SLC26A7: variants seen among roughly 807,000 people sequenced by gnomAD.
SLC26A7 encodes the protein solute carrier family 26 member 7, also known as anion exchange transporter.
Under a neutral mutation model 82.5 loss-of-function variants are expected in SLC26A7, and 59 were observed. The observed-to-expected ratio is 0.72, with a 90% CI of 0.58 to 0.89. The LOEUF (loss-of-function observed/expected upper bound fraction) is 0.89. SLC26A7 is among the 40% of genes least tolerant of loss of function. SLC26A7 has a pLI of 0.00. For missense variants in SLC26A7, 820 were observed against 793.0 expected, an observed-to-expected ratio of 1.03 and a Z score of -0.41; for synonymous variants, 271 against 274.3, an observed-to-expected ratio of 0.99 and a Z score of 0.12.
intron 2 of SLC26A7, among the ~76,000 whole-genome samples, chr8:91,283,570 A>C (rs1325269292): frequency 6.6e-6 from 1 of 152,174 alleles, no homozygotes; most frequent in Non-Finnish European, 1.5e-5. Context: ...CTCCAAATTC[A>C]TAACTCTTAC....
chr8:91,280,590 A>G (rs1811544971), intron 2 of SLC26A7, among the ~76,000 whole-genome samples: 1 of 152,160 alleles, frequency 6.6e-6, no homozygotes, highest in Admixed American at 6.5e-5. Flanking sequence ...CAAAGTCAAA[A>G]GGACATTTCT....
At chr8:91,374,782 T>A (rs550641729) in intron 15 of SLC26A7, among the ~76,000 whole-genome samples, 3 of 152,052 alleles carry the variant, frequency 2.0e-5, no homozygotes, top group Non-Finnish European at 4.4e-5. Flanking sequence ...CAGAGTTCCT[T>A]TGTTAGTTTT....
At chr8:91,373,540 T>C (rs138380973) in intron 15 of SLC26A7, among the ~76,000 whole-genome samples, 1 of 152,212 alleles carries the variant, frequency 6.6e-6, no homozygotes, top group East Asian at 1.9e-4. Context: ...GATTTATAAA[T>C]GTTGAACCAT....
chr8:91,268,860 G>A (rs1211601414), intron 2 of SLC26A7, among the ~76,000 whole-genome samples: 2 of 149,592 alleles, frequency 1.3e-5, no homozygotes, highest in Non-Finnish European at 3.0e-5. Flanking sequence ...AGATTTTTTT[G>A]TGGTTATTAT....
intron 16 of SLC26A7, among the ~76,000 whole-genome samples, chr8:91,392,777 T>C (rs148841282): frequency 1.3e-5 from 2 of 152,282 alleles, no homozygotes; most frequent in East Asian, 3.9e-4. Flanking sequence ...CTGGAGATTA[T>C]ATTTATCAGC....
intron 16 of SLC26A7, among the ~76,000 whole-genome samples, chr8:91,390,836 C>T (rs936564688): frequency 6.6e-6 from 1 of 152,166 alleles, no homozygotes; most frequent in African/African-American, 2.4e-5. Flanking sequence ...GATCGGAGGG[C>T]TCACCCCATT....
intron 4 of SLC26A7, among the ~76,000 whole-genome samples, chr8:91,301,023 C>G (rs563876526): frequency 6.6e-6 from 1 of 152,172 alleles, no homozygotes; most frequent in Non-Finnish European, 1.5e-5. Context: ...TCTCTCAAAA[C>G]TATCATTTAT....
At chr8:91,360,849 T>C (rs1292142713) in intron 11 of SLC26A7, among the ~76,000 whole-genome samples, 2 of 152,132 alleles carry the variant, frequency 1.3e-5, no homozygotes, top group Non-Finnish European at 2.9e-5. Flanking sequence ...AGAGTCATCA[T>C]GGGAAGCTAA....
At position 91,289,647 on chromosome 8, in the gene SLC26A7, GA is replaced by G. The variant is rs111279250; in HGVS notation, c.304+413del. 2.5e-3 allele frequency among the ~76,000 whole-genome samples: 290 copies of G among 117,596 alleles called. 3 individuals carry two copies. The highest frequency in any genetic ancestry group is 7.6e-3 in the African/African-American group (243 of 31,832). 77.1% of individuals were successfully genotyped at this position (117,596 alleles called of 152,430 possible). Reference sequence around the variant, plus strand: ...GTGACAGAGCGAGACTCTGTCTCAAGAAAAAAAAAAAAGGAAGGGAAATGTT... The same window carrying G: ...GTGACAGAGCGAGACTCTGTCTCAAGAAAAAAAAAAAGGAAGGGAAATGTT... On this transcript the variant is annotated intron_variant, in intron 3 of 18. Coordinates refer to ENST00000276609, the MANE Select transcript of SLC26A7 (RefSeq NM_052832.4).
chr8:91,344,729 A>G (rs1333251885), intron 9 of SLC26A7, among the ~76,000 whole-genome samples: 1 of 152,204 alleles, frequency 6.6e-6, no homozygotes, highest in Non-Finnish European at 1.5e-5. Flanking sequence ...ACCTTGGTTT[A>G]TATGACACAA....
chr8:91,395,159 C>T lies in SLC26A7; in HGVS notation c.*62C>T. The T allele has an allele frequency of 6.2e-7, 1 of 1,606,632 alleles. No individual in the cohort carries two copies. Among genetic ancestry groups the T allele is most frequent in the Non-Finnish European group, 8.5e-7 (1 of 1,176,974 alleles). On this transcript the variant is annotated 3_prime_UTR_variant, in exon 19 of 19. Coordinates refer to ENST00000276609, the MANE Select transcript of SLC26A7 (RefSeq NM_052832.4). ...ACTGCCTGAAGAGGCCATATGCTGG[C>T]ATTTTGCACAACTTTTTGGTTGTTT...
At chr8:91,238,405 C>T (rs1009283105) in intron 2 of SLC26A7, among the ~76,000 whole-genome samples, 1 of 151,830 alleles carries the variant, frequency 6.6e-6, no homozygotes, top group Non-Finnish European at 1.5e-5. Flanking sequence ...ACTTTTTATT[C>T]TATAGCTAAA....
At chr8:91,380,995 T>C (rs1409582304) in intron 15 of SLC26A7, among the ~76,000 whole-genome samples, 1 of 152,188 alleles carries the variant, frequency 6.6e-6, no homozygotes, top group African/African-American at 2.4e-5. Context: ...ATGAAAATTA[T>C]ATACATCTTA....
intron 4 of SLC26A7, among the ~76,000 whole-genome samples, chr8:91,310,597 C>T (rs1046627862): frequency 1.3e-5 from 2 of 152,046 alleles, no homozygotes; most frequent in South Asian, 2.1e-4. Flanking sequence ...AAGAGTTAAG[C>T]GAGTGGGCTC....
At chr8:91,390,504 C>T (rs573450742) in intron 16 of SLC26A7, among the ~76,000 whole-genome samples, 2 of 152,028 alleles carry the variant, frequency 1.3e-5, no homozygotes, top group East Asian at 1.9e-4. Context: ...GGTGGTGGGA[C>T]GTCTTGAGGG....
chr8:91,394,562 C>G, intron 18 of SLC26A7: 1 of 1,222,996 alleles, frequency 8.2e-7, no homozygotes, highest in Non-Finnish European at 1.0e-6. Flanking sequence ...CTTTAATTTC[C>G]TGCAATTTTT....
At chr8:91,347,574 T>A (rs1474251842) in intron 9 of SLC26A7, among the ~76,000 whole-genome samples, 4 of 152,192 alleles carry the variant, frequency 2.6e-5, no homozygotes, top group Non-Finnish European at 5.9e-5. Context: ...ACTAGCCAAA[T>A]TTCAAGTCCT....
intron 4 of SLC26A7, among the ~76,000 whole-genome samples, chr8:91,298,266 T>C (rs115389520): frequency 0.033 from 5,084 of 152,244 alleles, 110 homozygotes; most frequent in African/African-American, 0.062. Context: ...AAATGTTCCC[T>C]ACACACAACT....
chr8:91,251,924 C>T (rs1810668559), intron 2 of SLC26A7, among the ~76,000 whole-genome samples: 2 of 152,100 alleles, frequency 1.3e-5, no homozygotes, highest in African/African-American at 4.8e-5. Flanking sequence ...GGTTTCATCC[C>T]TGCAGTTTTT....
Sources: gnomAD v4.1 joint callset for allele counts (sites outside exome capture counted in the v4.1 genomes callset) on GRCh38, gnomAD v4.1.1 for gene constraint, MANE v1.5 for transcripts, NCBI Gene and HGNC (gene_info 2026-07-23, HGNC 2026-07-21) for gene names.